ERC2: variants seen among roughly 807,000 people sequenced by gnomAD.
ERC2 encodes the protein ERC protein 2.
ERC2 carries 42 observed loss-of-function variants against 114.8 expected under a neutral mutation model. That is an observed-to-expected ratio of 0.37 (90% CI 0.29 to 0.47). The LOEUF (loss-of-function observed/expected upper bound fraction) is 0.47. Among genes scored for constraint, ERC2 ranks in the 20% least tolerant of loss-of-function variants. The probability of loss-of-function intolerance (pLI) is 0.99; values close to 1 mark genes in which losing one functional copy is unlikely to be tolerated. For synonymous variants in ERC2, 454 were observed against 425.5 expected (o/e 1.07, Z -0.82); for missense variants, 939 against 1,150.7 (o/e 0.82, Z 2.66).
intron 7 of ERC2, among the ~76,000 whole-genome samples, chr3:56,027,258 T>C (rs569190716): frequency 1.3e-5 from 2 of 152,270 alleles, no homozygotes; most frequent in East Asian, 3.9e-4. Context: ...CTGTTACAAA[T>C]AAACGACTAT....
chr3:55,584,159 C>T (rs1400983616), intron 17 of ERC2, among the ~76,000 whole-genome samples: 2 of 152,168 alleles, frequency 1.3e-5, no homozygotes, highest in African/African-American at 4.8e-5. Context: ...TCAGGGACCC[C>T]CACAGGGAAG....
chr3:55,555,479 G>A (rs2055538346), intron 17 of ERC2, among the ~76,000 whole-genome samples: 2 of 152,140 alleles, frequency 1.3e-5, no homozygotes, highest in South Asian at 2.1e-4. Context: ...AAGAGAAATG[G>A]GTACCAGGGC....
In ERC2 at chr3:55,534,505, G is replaced by A. The variant is rs146773468; in HGVS notation, c.*40-23229C>T. Among the ~76,000 whole-genome samples the A allele has an allele frequency of 2.6e-3, 400 of 151,976 alleles. 1 individual carries two copies. Among genetic ancestry groups the A allele is most frequent in the African/African-American group, 9.3e-3 (385 of 41,464 alleles). Reference sequence around the variant, plus strand: ...GCCCAGGAGTCTCAGAACAGCCTGGGCAACATGACGAAAGCCTGCCTCTAC... The same window carrying A: ...GCCCAGGAGTCTCAGAACAGCCTGGACAACATGACGAAAGCCTGCCTCTAC... On this transcript the variant is annotated intron_variant, in intron 17 of 17. Coordinates refer to ENST00000288221, the MANE Select transcript of ERC2 (RefSeq NM_015576.3).
intron 13 of ERC2, among the ~76,000 whole-genome samples, chr3:55,921,153 T>C (rs775686096): frequency 2.0e-5 from 3 of 152,186 alleles, no homozygotes; most frequent in Non-Finnish European, 4.4e-5. Context: ...ATATTTGCTT[T>C]AATTGATGGG....
intron 14 of ERC2, among the ~76,000 whole-genome samples, chr3:55,770,803 C>G (rs568902517): frequency 6.6e-5 from 10 of 152,038 alleles, no homozygotes; most frequent in Admixed American, 2.0e-4. Context: ...CCTTGCCCCC[C>G]ACCCCTGACA....
intron 2 of ERC2, among the ~76,000 whole-genome samples, chr3:56,381,482 T>A (rs942358868): frequency 1.3e-5 from 2 of 151,920 alleles, no homozygotes; most frequent in African/African-American, 4.8e-5. Flanking sequence ...GAAAAAAAAA[T>A]CCACGTGTAA....
Position 55,950,477 on chromosome 3 carries a change from TCTA to T in ERC2, c.2348_2350del (p.Leu783_Glu784delinsGln). On this transcript the variant is annotated inframe_deletion, in exon 13 of 18. Coordinates refer to ENST00000288221, the MANE Select transcript of ERC2 (RefSeq NM_015576.3). ...GCTGTCTTCTCGCCTGCGCACTTCT[TCTA>T]GTAACTGAGCATTTTTCTTCTTTTC... 1 of 1,614,056 alleles carries T rather than the reference TCTA, an allele frequency of 6.2e-7. No homozygotes were observed. The highest frequency in any genetic ancestry group is 8.5e-7 in the Non-Finnish European group (1 of 1,179,902).
intron 4 of ERC2, among the ~76,000 whole-genome samples, chr3:56,154,939 T>G (rs1223641495): frequency 6.6e-6 from 1 of 152,210 alleles, no homozygotes; most frequent in Admixed American, 6.5e-5. Context: ...GCTTCCATTT[T>G]TATTTCATCC....
chr3:56,170,595 T>TGG lies in ERC2; in HGVS notation c.1149+2850_1149+2851insCC, dbSNP rs60302237. 8.5e-4 allele frequency among the ~76,000 whole-genome samples: 113 copies of TGG among 132,294 alleles called. 1 individual carries two copies. Among genetic ancestry groups the TGG allele is most frequent in the East Asian group, 2.5e-3 (11 of 4,488 alleles). 86.8% of individuals were successfully genotyped at this position (132,294 alleles called of 152,430 possible). ...TAAGAAATCTCTTCTGTTTTTTTTT[T>TGG]TTTTTTTTTTTTTTTTTTTGAGGTA... On this transcript the variant is annotated intron_variant, in intron 4 of 17. Transcript: ENST00000288221.
chr3:55,713,130 C>CTCTCTG (rs2063874594), intron 15 of ERC2, among the ~76,000 whole-genome samples: 1 of 107,558 alleles, frequency 9.3e-6, no homozygotes, highest in African/African-American at 3.8e-5. Context: ...CTCTCTCTGT[C>CTCTCTG]TCACACACAC....
chr3:56,327,916 A>G (rs2057438178), intron 2 of ERC2, among the ~76,000 whole-genome samples: 1 of 152,190 alleles, frequency 6.6e-6, no homozygotes, highest in African/African-American at 2.4e-5. Flanking sequence ...CACAAACTAC[A>G]TGTGGTTGAG....
intron 17 of ERC2, among the ~76,000 whole-genome samples, chr3:55,646,351 A>G (rs958633446): frequency 1.3e-5 from 2 of 152,206 alleles, no homozygotes; most frequent in Non-Finnish European, 2.9e-5. Context: ...TTTACCCTTC[A>G]AGATGTCTGG....
At chr3:56,376,557 G>A (rs1395300586) in intron 2 of ERC2, among the ~76,000 whole-genome samples, 2 of 152,030 alleles carry the variant, frequency 1.3e-5, no homozygotes, top group Non-Finnish European at 1.5e-5. Context: ...AAAGTCAAGA[G>A]TTTGAGACCA....
chr3:55,856,377 G>A (rs1236934823), intron 14 of ERC2, among the ~76,000 whole-genome samples: 1 of 152,224 alleles, frequency 6.6e-6, no homozygotes, highest in Non-Finnish European at 1.5e-5. Flanking sequence ...CTCGTCCAAT[G>A]CAGAACAGAA....
At chr3:55,915,397 G>C (rs1330703187) in intron 13 of ERC2, among the ~76,000 whole-genome samples, 2 of 151,962 alleles carry the variant, frequency 1.3e-5, no homozygotes, top group East Asian at 3.9e-4. Flanking sequence ...GAGGTATGTA[G>C]CATATAAAAT....
At chr3:56,095,866 T>C (rs1490483440) in intron 6 of ERC2, among the ~76,000 whole-genome samples, 1 of 152,230 alleles carries the variant, frequency 6.6e-6, no homozygotes, top group Non-Finnish European at 1.5e-5. Flanking sequence ...TTATAGCTGT[T>C]ATGACTCTTT....
intron 17 of ERC2, among the ~76,000 whole-genome samples, chr3:55,619,001 G>A (rs1260595542): frequency 1.3e-5 from 2 of 152,150 alleles, no homozygotes; most frequent in East Asian, 3.9e-4. Context: ...AGATGCGAAT[G>A]GAATGGTAAA....
intron 3 of ERC2, among the ~76,000 whole-genome samples, chr3:56,221,687 G>T (rs1044885503): frequency 2.0e-5 from 3 of 152,128 alleles, no homozygotes; most frequent in African/African-American, 7.2e-5. Context: ...GGTGGATCAC[G>T]AGGTCAGGAG....
intron 13 of ERC2, among the ~76,000 whole-genome samples, chr3:55,930,933 T>G (rs1273749426): frequency 6.6e-6 from 1 of 152,092 alleles, no homozygotes; most frequent in Non-Finnish European, 1.5e-5. Context: ...CAACAAAATG[T>G]GGGTGAAGGA....
Sources: gnomAD v4.1 joint callset for allele counts (sites outside exome capture counted in the v4.1 genomes callset) on GRCh38, gnomAD v4.1.1 for gene constraint, MANE v1.5 for transcripts, NCBI Gene and HGNC (gene_info 2026-07-23, HGNC 2026-07-21) for gene names.